Variants in FYB1 observed in about 807,000 individuals in gnomAD.
The protein encoded by FYB1 is FYN binding protein 1, also known as FYN-binding protein 1.
In FYB1, 41 loss-of-function variants were observed where a neutral mutation model predicts 94.1. That is an observed-to-expected ratio of 0.44 (90% CI 0.34 to 0.57). FYB1 has a LOEUF of 0.57. FYB1 is among the 20% of genes least tolerant of loss of function. The pLI is 0.02. For missense variants in FYB1, 1,050 were observed against 976.8 expected (o/e 1.07, Z -1.00); for synonymous variants, 367 against 353.2 (o/e 1.04, Z -0.44).
chr5:39,144,726 C>T (rs1026207930), intron 3 of FYB1, among the ~76,000 whole-genome samples: 3 of 151,930 alleles, frequency 2.0e-5, no homozygotes, highest in Non-Finnish European at 2.9e-5. Context: ...CTATTGAACC[C>T]GGGAGGTGGA....
chr5:39,118,650 C>T (rs1413421425), intron 16 of FYB1, among the ~76,000 whole-genome samples: 2 of 152,130 alleles, frequency 1.3e-5, no homozygotes, highest in African/African-American at 4.8e-5. Flanking sequence ...TTATCTTTGA[C>T]ACCGAGTATA....
intron 3 of FYB1, among the ~76,000 whole-genome samples, chr5:39,142,566 T>C (rs959455722): frequency 4.6e-5 from 7 of 151,314 alleles, no homozygotes; most frequent in Non-Finnish European, 1.0e-4. Context: ...AATCTCTCAT[T>C]CTTTGTTTTC....
At chr5:39,135,710 A>G (rs1051232265) in intron 7 of FYB1, among the ~76,000 whole-genome samples, 2 of 152,210 alleles carry the variant, frequency 1.3e-5, no homozygotes, top group African/African-American at 4.8e-5. Context: ...TGAATTTATG[A>G]TGGCATTAAT....
intron 2 of FYB1, among the ~76,000 whole-genome samples, chr5:39,196,256 T>C (rs1403974624): frequency 6.7e-6 from 1 of 149,644 alleles, no homozygotes; most frequent in African/African-American, 2.5e-5. Flanking sequence ...TCACCCAGGC[T>C]GGAGTGCAGT....
intron 1 of FYB1, among the ~76,000 whole-genome samples, chr5:39,269,039 T>A (rs1752556834): frequency 6.6e-6 from 1 of 151,930 alleles, no homozygotes; most frequent in South Asian, 2.1e-4. Flanking sequence ...GGTCAAGCTG[T>A]TTTCTTTTCT....
intron 3 of FYB1, among the ~76,000 whole-genome samples, chr5:39,151,179 G>T (rs1298254746): frequency 6.6e-6 from 1 of 152,132 alleles, no homozygotes; most frequent in African/African-American, 2.4e-5. Context: ...GCAACATGCT[G>T]TCCCCAATGC....
At position 39,153,622 on chromosome 5, in the gene FYB1, C is replaced by T. The variant is rs1192973128; in HGVS notation, c.1136-18G>A. The T allele has an allele frequency of 6.3e-7, 1 of 1,587,320 alleles. No individual in the cohort carries two copies. ...GCTAGTACCTAAGAAGCAAAGCAAACAATACCATGAATTAAGACAAATCTT... is the reference window on the plus strand; with the variant it reads ...GCTAGTACCTAAGAAGCAAAGCAAATAATACCATGAATTAAGACAAATCTT... On this transcript the variant is annotated intron_variant, in intron 2 of 18. Coordinates refer to ENST00000512982, the MANE Select transcript of FYB1 (RefSeq NM_001465.6).
chr5:39,272,446 TG>T (rs1752691556), intron 1 of FYB1, among the ~76,000 whole-genome samples: 1 of 151,298 alleles, frequency 6.6e-6, no homozygotes, highest in Non-Finnish European at 1.5e-5. Context: ...AGGCGGATCA[TG>T]GGGTCAGGAG....
chr5:39,116,613 G>T (rs1580302622), intron 16 of FYB1, among the ~76,000 whole-genome samples: 2 of 152,104 alleles, frequency 1.3e-5, no homozygotes, highest in South Asian at 2.1e-4. Flanking sequence ...AAGGTCAGCT[G>T]GTTCCTAGGA....
At chr5:39,269,876 A>G (rs777198924) in intron 1 of FYB1, 2 of 152,360 alleles carry the variant, frequency 1.3e-5, no homozygotes, top group Non-Finnish European at 2.9e-5. Context: ...CTGAGAGCAT[A>G]TGAACACCAC....
At chr5:39,273,487 G>C (rs567472215) in intron 1 of FYB1, among the ~76,000 whole-genome samples, 3 of 152,294 alleles carry the variant, frequency 2.0e-5, no homozygotes, top group South Asian at 2.1e-4. Context: ...ATAAGTTCCT[G>C]AGCAGGAAGA....
intron 2 of FYB1, chr5:39,170,421 T>A: frequency 2.1e-6 from 1 of 472,070 alleles, no homozygotes; most frequent in Non-Finnish European, 3.8e-6. Context: ...CCGGACCCCC[T>A]CAGCAGCAGA....
chr5:39,170,207 C>T, intron 2 of FYB1: 1 of 834,116 alleles, frequency 1.2e-6, no homozygotes. Context: ...TCAGTATAGT[C>T]AGTATTTTTG....
At chr5:39,259,433 C>T (rs1399047899) in intron 1 of FYB1, among the ~76,000 whole-genome samples, 2 of 151,868 alleles carry the variant, frequency 1.3e-5, no homozygotes, top group African/African-American at 4.8e-5. Context: ...AGATCTGGCT[C>T]TGGGCTGGAG....
At chr5:39,135,237 T>C (rs540950929) in intron 7 of FYB1, among the ~76,000 whole-genome samples, 1 of 152,214 alleles carries the variant, frequency 6.6e-6, no homozygotes, top group East Asian at 1.9e-4. Context: ...AACATGTGCA[T>C]GGGGTCAGGA....
chr5:39,251,535 A>C (rs1412613457), intron 1 of FYB1, among the ~76,000 whole-genome samples: 4 of 152,150 alleles, frequency 2.6e-5, no homozygotes, highest in Non-Finnish European at 5.9e-5. Context: ...AGGTAGGGCT[A>C]CTTGAGTAGT....
At chr5:39,219,158 A>G (rs73072525) in intron 1 of FYB1, among the ~76,000 whole-genome samples, 1,974 of 152,298 alleles carry the variant, frequency 0.013, 35 homozygotes, top group African/African-American at 0.042. Flanking sequence ...GTGGCACCAG[A>G]GGTTCCAACA....
chr5:39,154,361 C>T (rs933620156), intron 2 of FYB1, among the ~76,000 whole-genome samples: 4 of 152,020 alleles, frequency 2.6e-5, no homozygotes, highest in African/African-American at 4.8e-5. Flanking sequence ...GCCTTGTTTT[C>T]CTAAATATGG....
chr5:39,145,253 T>G (rs1022085321), intron 3 of FYB1, among the ~76,000 whole-genome samples: 1 of 152,212 alleles, frequency 6.6e-6, no homozygotes, highest in African/African-American at 2.4e-5. Flanking sequence ...ATGGTTCAAT[T>G]TAATAGATTT....
Sources: allele counts gnomAD v4.1 joint callset (sites outside exome capture counted in the v4.1 genomes callset), GRCh38; gene constraint gnomAD v4.1.1; transcripts MANE v1.5; gene names NCBI Gene and HGNC (gene_info 2026-07-23, HGNC 2026-07-21).